Variants in LRP1B observed in about 807,000 individuals in gnomAD.
LRP1B encodes LDL receptor related protein 1B.
LRP1B carries 217 observed loss-of-function variants against 556.6 expected under a neutral mutation model. The ratio of observed to expected loss-of-function variants is 0.39; its 90% confidence interval spans 0.35 to 0.44. LRP1B has a LOEUF of 0.44. Ranked by LOEUF, LRP1B falls within the 20% of genes least tolerant of loss-of-function variation. LRP1B has a pLI of 1.00. For synonymous variants in LRP1B, 2,047 were observed against 1,865.8 expected (o/e 1.10, Z -2.50); for missense variants, 5,053 against 5,620.8 (o/e 0.90, Z 3.23).
chr2:141,794,082 C>CT lies in LRP1B; in HGVS notation c.205+16196dup, dbSNP rs1337153089. Reference sequence around the variant, plus strand: ...GGAATTAGGTCATCTAATCATCAGCCTTTTTTAAATTCCCATCCTTAGAAG... The same window carrying CT: ...GGAATTAGGTCATCTAATCATCAGCCTTTTTTTAAATTCCCATCCTTAGAAG... On this transcript the variant is annotated intron_variant, in intron 2 of 90. Coordinates refer to ENST00000389484, the MANE Select transcript of LRP1B (RefSeq NM_018557.3). 2.6e-5 allele frequency among the ~76,000 whole-genome samples: 4 copies of CT among 151,690 alleles called. No homozygotes were observed. In the Admixed American group the frequency reaches 2.6e-4, roughly 10 times the overall value.
At chr2:142,050,604 T>C (rs1465321621) in intron 1 of LRP1B, among the ~76,000 whole-genome samples, 2 of 152,166 alleles carry the variant, frequency 1.3e-5, no homozygotes, top group Non-Finnish European at 2.9e-5. Flanking sequence ...CTTAGTAACT[T>C]ACCTTAAAGA....
intron 2 of LRP1B, among the ~76,000 whole-genome samples, chr2:141,599,045 TCCCCCCCGCCCCCCCCCC>T (rs1687630820): frequency 6.9e-5 from 2 of 29,002 alleles, no homozygotes; most frequent in African/African-American, 1.9e-4. Flanking sequence ...TTTGTTCAAC[TCCCCCCCGCCCCCCCCCC>T]CCCCCCCCCC....
At chr2:141,696,387 GA>G (rs1343367886) in intron 2 of LRP1B, among the ~76,000 whole-genome samples, 1 of 151,822 alleles carries the variant, frequency 6.6e-6, no homozygotes, top group Non-Finnish European at 1.5e-5. Context: ...TTTTAATATT[GA>G]ATAAAATAAA....
At chr2:141,254,763 G>C (rs1684396610) in intron 3 of LRP1B, 122 bp from the exon 4 acceptor site, 1 of 664,090 alleles carries the variant, frequency 1.5e-6, no homozygotes, top group South Asian at 2.8e-5. Context: ...TATATGATTG[G>C]TCTAGAAAAA....
chr2:142,077,327 C>A (rs989415660), intron 1 of LRP1B, among the ~76,000 whole-genome samples: 3 of 152,086 alleles, frequency 2.0e-5, no homozygotes, highest in Non-Finnish European at 2.9e-5. Context: ...ATCATTCATT[C>A]ATTCTTTGCA....
chr2:141,694,046 T>C (rs966456066), intron 2 of LRP1B, among the ~76,000 whole-genome samples: 1 of 152,072 alleles, frequency 6.6e-6, no homozygotes, highest in East Asian at 1.9e-4. Context: ...TTTGAGAATG[T>C]TGAGTGTAGC....
chr2:140,841,141 G>A (rs1692092176), intron 29 of LRP1B, 49 bp from the exon 30 acceptor site: 1 of 1,228,470 alleles, frequency 8.1e-7, no homozygotes, highest in Non-Finnish European at 1.1e-6. Context: ...GTTTTTCATT[G>A]TACTGGCTCT....
intron 71 of LRP1B, among the ~76,000 whole-genome samples, chr2:140,366,291 A>T (rs1439554360): frequency 6.6e-6 from 1 of 151,724 alleles, no homozygotes; most frequent in Non-Finnish European, 1.5e-5. Context: ...GGCAAAGGAG[A>T]GTGAGCACAT....
chr2:142,047,364 C>G (rs1704296709), intron 1 of LRP1B, among the ~76,000 whole-genome samples: 1 of 151,902 alleles, frequency 6.6e-6, no homozygotes, highest in Admixed American at 6.6e-5. Context: ...TAGCAGTCCA[C>G]ACACTTCAAT....
intron 32 of LRP1B, among the ~76,000 whole-genome samples, chr2:140,781,493 A>G (rs1402409018): frequency 2.6e-5 from 4 of 152,188 alleles, no homozygotes; most frequent in African/African-American, 9.7e-5. Context: ...CATTTATTCA[A>G]TTAATATTGA....
chr2:140,487,522 A>T (rs1300098445), intron 58 of LRP1B, 95 bp downstream of exon 58: 1 of 1,201,928 alleles, frequency 8.3e-7, no homozygotes, highest in Admixed American at 2.1e-5. Flanking sequence ...AATGCATTTT[A>T]TGAGTAATAT....
chr2:140,931,635 C>T lies in LRP1B; in HGVS notation c.3137-8488G>A, dbSNP rs533038155. 1.3e-4 allele frequency among the ~76,000 whole-genome samples: 20 copies of T among 152,122 alleles called. No homozygotes were observed. In the South Asian group the frequency reaches 2.1e-3, roughly 16 times the overall value. The stretch of plus-strand genomic sequence containing the variant: ...CAAAACAGACATTCAAAGAGTAAGT[C>T]GAAACGGAAGTTTCAATGTAGAGTT... On this transcript the variant is annotated intron_variant, in intron 20 of 90. Transcript: ENST00000389484.
chr2:141,365,651 G>C (rs905785178), intron 3 of LRP1B, among the ~76,000 whole-genome samples: 6 of 66,030 alleles, frequency 9.1e-5, no homozygotes, highest in African/African-American at 3.1e-4. Flanking sequence ...GTTTGTTTTT[G>C]TTGCTTTTTT....
At chr2:140,688,037 C>T (rs989344483) in intron 41 of LRP1B, among the ~76,000 whole-genome samples, 2 of 152,058 alleles carry the variant, frequency 1.3e-5, no homozygotes, top group African/African-American at 2.4e-5. Context: ...TTATTACTTC[C>T]TATGAAAAAT....
rs78590116 is a variant in LRP1B, at chr2:140,364,446, C to G, written c.11131+215G>C. Among the ~76,000 whole-genome samples, 318 of 151,720 alleles carry G rather than the reference C, an allele frequency of 2.1e-3. 1 individual carries two copies. Among genetic ancestry groups the G allele is most frequent in the Middle Eastern group, 6.8e-3 (2 of 294 alleles). On this transcript the variant is annotated intron_variant, in intron 72 of 90. Transcript: ENST00000389484. ...CTCTTCTGAATAGTGTTGACATGTGCAAGTTCAGATTTAGGATGAGTCTCT... is the reference window on the plus strand; with the variant it reads ...CTCTTCTGAATAGTGTTGACATGTGGAAGTTCAGATTTAGGATGAGTCTCT...
At chr2:141,121,960 C>A (rs1323080892) in intron 7 of LRP1B, among the ~76,000 whole-genome samples, 1 of 152,022 alleles carries the variant, frequency 6.6e-6, no homozygotes, top group Non-Finnish European at 1.5e-5. Context: ...CATCTATAAC[C>A]ATCTGATCTT....
intron 1 of LRP1B, among the ~76,000 whole-genome samples, chr2:141,907,578 G>A (rs1699793493): frequency 6.6e-6 from 1 of 151,794 alleles, no homozygotes; most frequent in African/African-American, 2.4e-5. Flanking sequence ...TTTTGGAATT[G>A]GCACGACCTT....
At chr2:140,429,326 C>T (rs539920882) in intron 66 of LRP1B, among the ~76,000 whole-genome samples, 1 of 152,142 alleles carries the variant, frequency 6.6e-6, no homozygotes, top group Non-Finnish European at 1.5e-5. Context: ...TAGTGCCAAA[C>T]CCATATACTC....
intron 7 of LRP1B, among the ~76,000 whole-genome samples, chr2:141,096,223 A>T (rs1246462984): frequency 6.6e-6 from 1 of 152,168 alleles, no homozygotes; most frequent in East Asian, 1.9e-4. Context: ...CATTACAAAC[A>T]CCAAATCAGA....
Sources: allele counts gnomAD v4.1 joint callset (sites outside exome capture counted in the v4.1 genomes callset), GRCh38; gene constraint gnomAD v4.1.1; transcripts MANE v1.5; gene names NCBI Gene and HGNC (gene_info 2026-07-23, HGNC 2026-07-21).